Variants in GSE1 observed in about 807,000 individuals in gnomAD.
The protein encoded by GSE1 is Gse1 coiled-coil protein.
GSE1 carries 32 observed loss-of-function variants against 112.6 expected under a neutral mutation model. The ratio of observed to expected loss-of-function variants is 0.28; its 90% CI spans 0.21 to 0.38. The LOEUF is 0.38. Among genes scored for constraint, GSE1 ranks in the 10% least tolerant of loss-of-function variants. The pLI is 1.00. For synonymous variants in GSE1, 1,115 were observed against 735.6 expected (o/e 1.52, Z -8.35); for missense variants, 2,348 against 1,699.2 (o/e 1.38, Z -6.71).
intron 1 of GSE1, among the ~76,000 whole-genome samples, chr16:85,290,493 C>G (rs1209775874): frequency 6.6e-6 from 1 of 152,194 alleles, no homozygotes; most frequent in South Asian, 2.1e-4. Flanking sequence ...CCCTCCGTCA[C>G]TTGCTTGGCC....
At chr16:85,462,081 G>A (rs1344316754) in intron 2 of GSE1, among the ~76,000 whole-genome samples, 1 of 152,192 alleles carries the variant, frequency 6.6e-6, no homozygotes, top group Non-Finnish European at 1.5e-5. Flanking sequence ...CCTCCCCACA[G>A]GGGCAGGGAG....
intron 2 of GSE1, among the ~76,000 whole-genome samples, chr16:85,434,815 A>T (rs2049206225): frequency 6.6e-6 from 1 of 152,224 alleles, no homozygotes; most frequent in Non-Finnish European, 1.5e-5. Flanking sequence ...ACTCTGCCTC[A>T]AAAAATAAAA....
At chr16:85,659,157 C>A (rs960115678) in intron 8 of GSE1, among the ~76,000 whole-genome samples, 2 of 152,296 alleles carry the variant, frequency 1.3e-5, no homozygotes, top group Non-Finnish European at 2.9e-5. Flanking sequence ...GGGACAGCAG[C>A]GTCGGATTTG....
chr16:85,650,380 C>T (rs2051233797), intron 3 of GSE1, among the ~76,000 whole-genome samples: 2 of 152,140 alleles, frequency 1.3e-5, no homozygotes, highest in Non-Finnish European at 1.5e-5. Flanking sequence ...CTGGTGCCAG[C>T]GCCCGCAGCT....
At position 85,656,589 on chromosome 16, in the gene GSE1, CGAGCTGCAT is replaced by C; in HGVS notation, c.1238_1246del (p.Glu413_His415del). ...TGGAGCCCAGCTTCCTGCCCGTGGCCGAGCTGCATGGGCTGCGTGGCCATGCCACTGAGG... is the reference window on the plus strand; with the variant it reads ...TGGAGCCCAGCTTCCTGCCCGTGGCCGGGCTGCGTGGCCATGCCACTGAGG... On this transcript the variant is annotated inframe_deletion, in exon 7 of 16. Transcript: ENST00000253458. 6.5e-7 allele frequency: 1 copy of C among 1,547,164 alleles called. No individual in the cohort carries two copies. The highest frequency in any genetic ancestry group is 8.7e-7 in the Non-Finnish European group (1 of 1,145,664).
intron 1 of GSE1, among the ~76,000 whole-genome samples, chr16:85,249,251 C>A (rs2144012153): frequency 6.6e-6 from 1 of 152,346 alleles, no homozygotes; most frequent in East Asian, 1.9e-4. Flanking sequence ...AATGAAGCTG[C>A]CTTAGTGGGC....
chr16:85,454,936 G>C (rs907291836), intron 2 of GSE1, among the ~76,000 whole-genome samples: 30 of 152,182 alleles, frequency 2.0e-4, no homozygotes, highest in African/African-American at 7.0e-4. Flanking sequence ...GCCTGCCCAG[G>C]TGCGGAGGGT....
At chr16:85,631,287 G>A (rs551797908) in intron 1 of GSE1, among the ~76,000 whole-genome samples, 7 of 152,226 alleles carry the variant, frequency 4.6e-5, no homozygotes, top group African/African-American at 1.7e-4. Flanking sequence ...CCCTATGTTG[G>A]CCATGTCCTC....
intron 1 of GSE1, among the ~76,000 whole-genome samples, chr16:85,597,524 C>A (rs192136988): frequency 1.6e-4 from 25 of 152,194 alleles, no homozygotes; most frequent in African/African-American, 6.0e-4. Flanking sequence ...GGCTGGAGTG[C>A]AGTAGTGAGA....
At chr16:85,608,572 G>A (rs763280057), upstream of GSE1, among the ~76,000 whole-genome samples, 2 of 152,338 alleles carry the variant, frequency 1.3e-5, no homozygotes, top group Admixed American at 6.5e-5. Flanking sequence ...GAGTGACCAT[G>A]GCAGGTGGTT....
intron 2 of GSE1, among the ~76,000 whole-genome samples, chr16:85,548,661 G>A (rs2044791492): frequency 6.6e-6 from 1 of 152,220 alleles, no homozygotes; most frequent in Admixed American, 6.5e-5. Flanking sequence ...GGACACCGAG[G>A]TTGATTCCAT....
rs984685459 is a variant in GSE1 at position 85,312,437 on chromosome 16, C to T, written c.2284-45026C>T. 3.9e-5 allele frequency among the ~76,000 whole-genome samples: 6 copies of T among 152,350 alleles called. No homozygotes were observed. The East Asian group carries it at 7.7e-4, about 20-fold the overall frequency. On this transcript the variant is annotated intron_variant, in intron 1 of 2. Coordinates refer to the GSE1 transcript ENST00000637419. ...CATTGGTCCCAGGTGTGCCTTGGCT[C>T]ATGGCTGTATTGCCCCGATCTCTGC... is the stretch of plus-strand genomic sequence containing the variant.
intron 2 of GSE1, among the ~76,000 whole-genome samples, chr16:85,394,422 A>G (rs145095675): frequency 6.6e-6 from 1 of 152,216 alleles, no homozygotes; most frequent in Non-Finnish European, 1.5e-5. Context: ...TGCTTCTGTG[A>G]TGTTCACAGG....
In GSE1 at chr16:85,266,064, G is replaced by A. The variant is rs112446002; in HGVS notation, c.2284-91399G>A. 6.7e-3 allele frequency among the ~76,000 whole-genome samples: 1,020 copies of A among 152,298 alleles called. 8 individuals carry two copies. Among genetic ancestry groups the A allele is most frequent in the African/African-American group, 0.024 (984 of 41,578 alleles). The stretch of plus-strand genomic sequence containing the variant: ...GGCGCTGGGCTCTGGAGTGAGGAAG[G>A]GAATCGCTCATGCTGTCATGGGAAG... On this transcript the variant is annotated intron_variant, in intron 1 of 2. Coordinates refer to the GSE1 transcript ENST00000637419.
intron 2 of GSE1, among the ~76,000 whole-genome samples, chr16:85,645,349 C>T (rs757702749): frequency 3.9e-5 from 6 of 151,944 alleles, no homozygotes; most frequent in South Asian, 2.1e-4. Context: ...GCCTCTGGGC[C>T]GCTCTGGGGC....
chr16:85,286,640 T>G (rs1038100528), intron 1 of GSE1, among the ~76,000 whole-genome samples: 1 of 152,124 alleles, frequency 6.6e-6, no homozygotes, highest in Non-Finnish European at 1.5e-5. Context: ...TGCCAGAAAT[T>G]ATTTGGCGCT....
At chr16:85,504,144 G>A (rs2051460223) in intron 2 of GSE1, among the ~76,000 whole-genome samples, 1 of 152,236 alleles carries the variant, frequency 6.6e-6, no homozygotes, top group African/African-American at 2.4e-5. Flanking sequence ...CATGTGTGAA[G>A]AGAGGTTGCG....
chr16:85,662,577 C>T (rs1425613537), intron 9 of GSE1: 1 of 181,186 alleles, frequency 5.5e-6, no homozygotes, highest in Non-Finnish European at 1.1e-5. Flanking sequence ...TTAGAGAGCT[C>T]AGGCCTGTGT....
intron 2 of GSE1, among the ~76,000 whole-genome samples, chr16:85,484,543 C>T (rs556732242): frequency 2.0e-5 from 3 of 152,224 alleles, no homozygotes; most frequent in Non-Finnish European, 2.9e-5. Context: ...GACGCCTCCG[C>T]GACACAGCAG....
Sources: gnomAD v4.1 joint callset for allele counts (sites outside exome capture counted in the v4.1 genomes callset) on GRCh38, gnomAD v4.1.1 for gene constraint, MANE v1.5 for transcripts, NCBI Gene and HGNC (gene_info 2026-07-23, HGNC 2026-07-21) for gene names.